Variants in CHODL observed in about 807,000 individuals in gnomAD.
CHODL encodes transmembrane protein MT75.
Under a neutral mutation model 34.5 loss-of-function variants are expected in CHODL, and 29 were observed. The ratio of observed to expected loss-of-function variants is 0.84; its 90% CI spans 0.63 to 1.15. The LOEUF (loss-of-function observed/expected upper bound fraction) is 1.15, where lower values mean the gene tolerates loss of function less well. CHODL is among the 50% of genes most tolerant of loss of function. The probability of loss-of-function intolerance (pLI) is 0.00; values close to 1 mark genes in which losing one functional copy is unlikely to be tolerated. For synonymous variants in CHODL, 125 were observed against 116.1 expected (o/e 1.08, Z -0.49); for missense variants, 332 against 332.5 (o/e 1.00, Z 0.01).
At chr21:18,111,866 A>G (rs1164886798) in intron 2 of CHODL, among the ~76,000 whole-genome samples, 1 of 152,172 alleles carries the variant, frequency 6.6e-6, no homozygotes, top group Non-Finnish European at 1.5e-5. Context: ...GATCTGTTCA[A>G]CACTGTAGGG....
At chr21:18,005,774 C>T (rs1381295644) in intron 1 of CHODL, among the ~76,000 whole-genome samples, 1 of 152,098 alleles carries the variant, frequency 6.6e-6, no homozygotes, top group East Asian at 1.9e-4. Flanking sequence ...ATGTAGCTCC[C>T]GAACAATGAG....
intron 2 of CHODL, among the ~76,000 whole-genome samples, chr21:18,180,992 T>TTGC (rs1346945588): frequency 6.6e-6 from 1 of 152,236 alleles, no homozygotes; most frequent in Non-Finnish European, 1.5e-5. Context: ...GCTAAATAAA[T>TTGC]TATAATCAAT....
chr21:18,255,599 A>G (rs1207155842), intron 1 of CHODL, among the ~76,000 whole-genome samples: 1 of 152,036 alleles, frequency 6.6e-6, no homozygotes. Context: ...ATTGTAAGAA[A>G]TTGACAACAA....
At chr21:18,196,553 G>A (rs1483648348) in intron 2 of CHODL, among the ~76,000 whole-genome samples, 2 of 152,054 alleles carry the variant, frequency 1.3e-5, no homozygotes, top group East Asian at 1.9e-4. Flanking sequence ...AAAAGCATTC[G>A]CAAACTCAAT....
intron 1 of CHODL, among the ~76,000 whole-genome samples, chr21:17,921,963 C>T (rs997537617): frequency 1.3e-5 from 2 of 150,440 alleles, no homozygotes; most frequent in Non-Finnish European, 3.0e-5. Context: ...AATAAATTGA[C>T]AGATTGTCCA....
chr21:17,967,373 T>C (rs197528), intron 1 of CHODL, among the ~76,000 whole-genome samples: 1,844 of 152,314 alleles, frequency 0.012, 31 homozygotes, highest in African/African-American at 0.041. Context: ...AATCATATCC[T>C]TTTACTTAAA....
intron 1 of CHODL, among the ~76,000 whole-genome samples, chr21:17,965,911 A>T (rs887736690): frequency 5.5e-5 from 8 of 144,982 alleles, no homozygotes; most frequent in African/African-American, 7.6e-5. Flanking sequence ...AGAGAAGGTA[A>T]TTTTTTTTTT....
chr21:18,041,655 A>G (rs1025575597), intron 2 of CHODL, among the ~76,000 whole-genome samples: 2 of 151,960 alleles, frequency 1.3e-5, no homozygotes, highest in African/African-American at 4.8e-5. Flanking sequence ...ACTGAGAACT[A>G]TAAGTCTTAG....
rs148448534 is a variant in CHODL, at chr21:17,946,695, T to C, written c.-145+29295T>C. Among the ~76,000 whole-genome samples, 5 of 152,342 alleles carry C rather than the reference T, an allele frequency of 3.3e-5. No homozygotes were observed. The East Asian group carries it at 9.6e-4, about 29-fold the overall frequency. ...GTTTCTTTTAATGGTGTTTAAAGTCTATTTTACCTGGTACAAGTAAAGCTA... is the reference window on the plus strand; with the variant it reads ...GTTTCTTTTAATGGTGTTTAAAGTCCATTTTACCTGGTACAAGTAAAGCTA... On this transcript the variant is annotated intron_variant, in intron 1 of 6. Coordinates refer to the CHODL transcript ENST00000400127.
intron 1 of CHODL, among the ~76,000 whole-genome samples, chr21:18,249,780 T>C (rs748656990): frequency 2.0e-5 from 3 of 152,138 alleles, no homozygotes; most frequent in Non-Finnish European, 4.4e-5. Flanking sequence ...TTTGCCTCAT[T>C]TTGAAAACAG....
chr21:18,081,764 C>T (rs374322349), intron 2 of CHODL, among the ~76,000 whole-genome samples: 3 of 151,154 alleles, frequency 2.0e-5, no homozygotes, highest in Admixed American at 6.6e-5. Context: ...TAACTTTTCT[C>T]GTTAAGTATG....
chr21:18,134,815 A>G (rs1018814457), intron 2 of CHODL, among the ~76,000 whole-genome samples: 2 of 152,326 alleles, frequency 1.3e-5, no homozygotes, highest in East Asian at 1.9e-4. Context: ...TGATCAAGCC[A>G]TAAAGGATTT....
At chr21:18,232,796 C>T (rs1269013498) in intron 2 of CHODL, among the ~76,000 whole-genome samples, 1 of 151,514 alleles carries the variant, frequency 6.6e-6, no homozygotes, top group East Asian at 1.9e-4. Context: ...TCCAGTCTTA[C>T]TAGTTCTGTA....
At chr21:18,125,784 G>A (rs2065536165) in intron 2 of CHODL, among the ~76,000 whole-genome samples, 1 of 151,914 alleles carries the variant, frequency 6.6e-6, no homozygotes, top group African/African-American at 2.4e-5. Flanking sequence ...ACTTTTGTAT[G>A]GAAAAAGGCA....
chr21:18,199,735 C>T (rs1392493553), intron 2 of CHODL, among the ~76,000 whole-genome samples: 1 of 152,124 alleles, frequency 6.6e-6, no homozygotes, highest in Non-Finnish European at 1.5e-5. Context: ...TTCAGGCTGG[C>T]TTCTTTATCC....
intron 2 of CHODL, among the ~76,000 whole-genome samples, chr21:18,218,465 G>A (rs2073851749): frequency 6.6e-6 from 1 of 152,100 alleles, no homozygotes; most frequent in Non-Finnish European, 1.5e-5. Flanking sequence ...GGGGGATTTG[G>A]GCCTGGCCCA....
At chr21:18,050,292 G>A (rs1196454497) in intron 2 of CHODL, among the ~76,000 whole-genome samples, 2 of 151,874 alleles carry the variant, frequency 1.3e-5, no homozygotes, top group African/African-American at 4.8e-5. Context: ...GGCATCAGGT[G>A]TTTGGATTTA....
chr21:18,030,758 CTT>C (rs2064238369), intron 2 of CHODL, among the ~76,000 whole-genome samples: 1 of 152,066 alleles, frequency 6.6e-6, no homozygotes, highest in African/African-American at 2.4e-5. Flanking sequence ...TAAGAAAACA[CTT>C]ATTTAAAATT....
intron 2 of CHODL, among the ~76,000 whole-genome samples, chr21:18,042,367 A>G (rs969448182): frequency 6.6e-6 from 1 of 151,854 alleles, no homozygotes; most frequent in African/African-American, 2.4e-5. Flanking sequence ...ATATATCCTC[A>G]TACCTCAGAG....
Sources: allele counts gnomAD v4.1 joint callset (sites outside exome capture counted in the v4.1 genomes callset), GRCh38; gene constraint gnomAD v4.1.1; transcripts MANE v1.5; gene names NCBI Gene and HGNC (gene_info 2026-07-23, HGNC 2026-07-21).